ARHGAP10: variants seen among roughly 807,000 people sequenced by gnomAD.
ARHGAP10 encodes the protein rho GTPase-activating protein 10.
Under a neutral mutation model 108.6 loss-of-function variants are expected in ARHGAP10, and 87 were observed. The observed-to-expected ratio is 0.80, with a 90% CI of 0.67 to 0.96. ARHGAP10 has a LOEUF of 0.96. Ranked by LOEUF, ARHGAP10 falls within the 40% of genes least tolerant of loss-of-function variation. The pLI, the probability that ARHGAP10 is intolerant of heterozygous loss-of-function variation, is 0.00. For missense variants in ARHGAP10, 939 were observed against 954.5 expected (o/e 0.98, Z 0.21); for synonymous variants, 347 against 341.1 (o/e 1.02, Z -0.19).
At chr4:147,955,106 G>A (rs1186837440) in intron 15 of ARHGAP10, among the ~76,000 whole-genome samples, 1 of 152,032 alleles carries the variant, frequency 6.6e-6, no homozygotes, top group Non-Finnish European at 1.5e-5. Flanking sequence ...AGGGATTTGT[G>A]GCTCCCTAGG....
rs887921408 is a variant in ARHGAP10, at chr4:147,882,084, G to A, written c.1034+152G>A. The A allele has an allele frequency of 1.7e-5, 12 of 706,628 alleles. No homozygotes were observed. The South Asian group carries it at 2.2e-4, about 13-fold the overall frequency. 43.8% of individuals were successfully genotyped at this position (706,628 alleles called of 1,614,324 possible). A position where few individuals can be genotyped will look rare whatever the true frequency, so the allele number is the denominator to read the frequency against. On this transcript the variant is annotated intron_variant, in intron 10 of 22. Coordinates refer to ENST00000336498, the MANE Select transcript of ARHGAP10 (RefSeq NM_024605.4). ...CTGTGTGTTCATTATAAGCTGTTTA[G>A]TCTTGATCACCGGGTTTAGCTATGG...
chr4:147,934,003 A>G (rs1737820865), intron 13 of ARHGAP10, among the ~76,000 whole-genome samples: 1 of 152,130 alleles, frequency 6.6e-6, no homozygotes, highest in South Asian at 2.1e-4. Context: ...AGGCTGCGAG[A>G]CATGGGTGAG....
chr4:147,784,424 T>A (rs1730718739), intron 1 of ARHGAP10, among the ~76,000 whole-genome samples: 1 of 128,494 alleles, frequency 7.8e-6, no homozygotes, highest in Non-Finnish European at 1.6e-5. Context: ...TATATAATTT[T>A]TAAATTACAT....
chr4:147,935,149 G>A (rs1002728677), intron 13 of ARHGAP10, among the ~76,000 whole-genome samples: 1 of 152,152 alleles, frequency 6.6e-6, no homozygotes, highest in Non-Finnish European at 1.5e-5. Context: ...GTGGGTGATG[G>A]TCGAGCTGTC....
intron 4 of ARHGAP10, among the ~76,000 whole-genome samples, chr4:147,851,923 C>G (rs926135548): frequency 1.3e-5 from 2 of 152,200 alleles, no homozygotes; most frequent in African/African-American, 2.4e-5. Context: ...TTTGAATCCT[C>G]TTTCGGTGCC....
chr4:147,937,332 C>T (rs1434992622), intron 13 of ARHGAP10, among the ~76,000 whole-genome samples: 1 of 152,068 alleles, frequency 6.6e-6, no homozygotes, highest in African/African-American at 2.4e-5. Flanking sequence ...ACAAGGCCTC[C>T]AGTCATGGTG....
At chr4:147,776,094 T>C (rs1730276185) in intron 1 of ARHGAP10, among the ~76,000 whole-genome samples, 1 of 152,224 alleles carries the variant, frequency 6.6e-6, no homozygotes, top group African/African-American at 2.4e-5. Flanking sequence ...ATACCACTAC[T>C]TGCAATCATT....
rs200869815 is a variant in ARHGAP10, at chr4:148,045,479, C to A, written c.1868-1413C>A. Among the ~76,000 whole-genome samples the A allele has an allele frequency of 2.3e-4, 35 of 152,182 alleles. No individual in the cohort carries two copies. In the East Asian group the frequency reaches 6.4e-3, roughly 28 times the overall value. On this transcript the variant is annotated intron_variant, in intron 19 of 22. Coordinates refer to ENST00000336498, the MANE Select transcript of ARHGAP10 (RefSeq NM_024605.4). ...CCATCTGGCTGGGTGCAGTGGCTCACGCCTGTAATCCCAGCAATTTGGGAG... is the reference window on the plus strand; with the variant it reads ...CCATCTGGCTGGGTGCAGTGGCTCAAGCCTGTAATCCCAGCAATTTGGGAG...
In ARHGAP10 at chr4:147,986,961, C is replaced by G. The variant is rs531536083; in HGVS notation, c.1716+20122C>G. 3.3e-4 allele frequency among the ~76,000 whole-genome samples: 51 copies of G among 152,282 alleles called. 1 individual carries two copies. Among genetic ancestry groups the G allele is most frequent in the African/African-American group, 1.1e-3 (46 of 41,546 alleles). On this transcript the variant is annotated intron_variant, in intron 18 of 22. Transcript: ENST00000336498. Reference sequence around the variant, plus strand: ...ATTCGAAATGGCTTTAGGTAAAAACCTTTTGTCTTCATTGTGACTGTTTAA... The same window carrying G: ...ATTCGAAATGGCTTTAGGTAAAAACGTTTTGTCTTCATTGTGACTGTTTAA...
At chr4:147,907,229 T>C (rs1174757191) in intron 11 of ARHGAP10, among the ~76,000 whole-genome samples, 2 of 152,134 alleles carry the variant, frequency 1.3e-5, no homozygotes, top group Non-Finnish European at 2.9e-5. Flanking sequence ...GAGGAATAAA[T>C]TGAAGGTAGT....
intron 1 of ARHGAP10, among the ~76,000 whole-genome samples, chr4:147,816,621 C>T (rs1465865831): frequency 1.3e-5 from 2 of 152,226 alleles, no homozygotes; most frequent in Non-Finnish European, 2.9e-5. Flanking sequence ...TTAGGCCTAA[C>T]CTAGCCCTGT....
At chr4:147,792,993 C>T (rs892550638) in intron 1 of ARHGAP10, among the ~76,000 whole-genome samples, 2 of 152,208 alleles carry the variant, frequency 1.3e-5, no homozygotes, top group East Asian at 3.9e-4. Flanking sequence ...CAAAAATTAG[C>T]TGGGTGTGGT....
At chr4:147,922,985 G>A (rs1434097070) in intron 13 of ARHGAP10, among the ~76,000 whole-genome samples, 2 of 152,056 alleles carry the variant, frequency 1.3e-5, no homozygotes, top group Non-Finnish European at 2.9e-5. Flanking sequence ...CTAAATACAG[G>A]CATGCCTTGC....
intron 1 of ARHGAP10, among the ~76,000 whole-genome samples, chr4:147,806,095 C>T (rs976250423): frequency 6.6e-6 from 1 of 152,110 alleles, no homozygotes; most frequent in African/African-American, 2.4e-5. Flanking sequence ...ACAAGAACTA[C>T]CATGCACACA....
chr4:147,872,076 T>G, intron 7 of ARHGAP10, among the ~76,000 whole-genome samples: 1 of 135,974 alleles, frequency 7.4e-6, no homozygotes, highest in African/African-American at 2.9e-5. Context: ...TACTCCAGCC[T>G]GACCAACAGA....
intron 18 of ARHGAP10, among the ~76,000 whole-genome samples, chr4:148,009,184 G>A (rs906707449): frequency 2.7e-5 from 4 of 150,794 alleles, no homozygotes; most frequent in African/African-American, 9.8e-5. Context: ...CAGCTGGAGT[G>A]CAGTGGTGTA....
Position 147,866,939 on chromosome 4 carries a change from G to A in ARHGAP10, c.702+123G>A, listed in dbSNP as rs931991125. ...ATCTGTTTGTACTGAGAAACTGAGG[G>A]TATGCTGCCACCTGCTGGTCAACTC... On this transcript the variant is annotated intron_variant, in intron 7 of 22. Transcript: ENST00000336498. The A allele has an allele frequency of 8.9e-6, 7 of 788,356 alleles. No homozygotes were observed. In the African/African-American group the frequency reaches 1.1e-4, roughly 12 times the overall value. 48.8% of individuals were successfully genotyped at this position (788,356 alleles called of 1,614,324 possible).
intron 22 of ARHGAP10, among the ~76,000 whole-genome samples, chr4:148,071,317 A>G (rs1334828317): frequency 2.0e-5 from 3 of 152,198 alleles, no homozygotes; most frequent in African/African-American, 7.2e-5. Context: ...ACAGACCAGT[A>G]AGGAGCTTGA....
intron 8 of ARHGAP10, among the ~76,000 whole-genome samples, chr4:147,878,147 G>A (rs1311801841): frequency 1.3e-5 from 2 of 151,736 alleles, no homozygotes; most frequent in Admixed American, 1.3e-4. Flanking sequence ...CCAGGCTGGA[G>A]TGCAGTGGCG....
Sources: gnomAD v4.1 joint callset for allele counts (sites outside exome capture counted in the v4.1 genomes callset) on GRCh38, gnomAD v4.1.1 for gene constraint, MANE v1.5 for transcripts, NCBI Gene and HGNC (gene_info 2026-07-23, HGNC 2026-07-21) for gene names.